The following HERC2 variants were observed in gnomAD, a reference collection of about 807,000 sequenced individuals.
The protein encoded by HERC2 is E3 ubiquitin-protein ligase HERC2.
HERC2 carries 102 observed loss-of-function variants against 537.7 expected under a neutral mutation model. That is an observed-to-expected ratio of 0.19 (90% CI 0.16 to 0.22). HERC2 has a LOEUF of 0.22. HERC2 is among the 10% of genes least tolerant of loss of function. The pLI is 1.00. For synonymous variants in HERC2, 2,224 were observed against 2,466.2 expected (o/e 0.90, Z 2.91); for missense variants, 4,236 against 6,198.2 (o/e 0.68, Z 10.63).
At chr15:28,140,225 T>G (rs1351134466) in intron 78 of HERC2, among the ~76,000 whole-genome samples, 1 of 152,088 alleles carries the variant, frequency 6.6e-6, no homozygotes, top group Non-Finnish European at 1.5e-5. Flanking sequence ...ACTGGAAGCC[T>G]GGGAACGCTC....
At chr15:28,229,648 G>A (rs1180800165) in intron 32 of HERC2, 26 bp downstream of exon 32, 15 of 1,606,738 alleles carry the variant, frequency 9.3e-6, no homozygotes, top group Non-Finnish European at 1.3e-5. Flanking sequence ...ACCCAATGCA[G>A]AGAAGCATTT....
At chr15:28,292,763 A>G in intron 4 of HERC2, 125 bp downstream of exon 4, 1 of 985,402 alleles carries the variant, frequency 1.0e-6, no homozygotes, top group Non-Finnish European at 1.5e-6. Context: ...TTTTACCACA[A>G]TATTTAAATT....
At chr15:28,276,560 C>T (rs1015668513) in intron 5 of HERC2, among the ~76,000 whole-genome samples, 1 of 152,006 alleles carries the variant, frequency 6.6e-6, no homozygotes, top group African/African-American at 2.4e-5. Flanking sequence ...CATGGCAAAA[C>T]CCCATCTCTA....
At chr15:28,305,609 T>C (rs1297023225) in intron 2 of HERC2, among the ~76,000 whole-genome samples, 65 of 112,756 alleles carry the variant, frequency 5.8e-4, no homozygotes, top group Admixed American at 1.5e-3. Context: ...ATTCAGGACA[T>C]AGGCGTGGGC....
rs887613250 is a variant in HERC2, at chr15:28,254,465, T to C, written c.2925A>G (p.Glu975=). ...TTCTATGAAATGTTGAGGCATTCGC[T>C]TCCTGTTCATCAATTTCTTTTTCCT... ...AQKEKEIDEQ[E]ANASTFHRSR... Residue 975 remains glutamate (E), a synonymous_variant, in exon 20 of 93, where the codon GAA becomes GAG. Coordinates refer to ENST00000261609, the MANE Select transcript of HERC2 (RefSeq NM_004667.6). The C allele has an allele frequency of 1.2e-6, 2 of 1,603,994 alleles. No homozygotes were observed. Among genetic ancestry groups the C allele is most frequent in the South Asian group, 1.1e-5 (1 of 88,420 alleles).
intron 15 of HERC2, 35 bp from the exon 16 acceptor site, chr15:28,261,005 G>GC: frequency 6.6e-7 from 1 of 1,514,592 alleles, no homozygotes; most frequent in Non-Finnish European, 9.1e-7. Flanking sequence ...GCAGCTTCAA[G>GC]CCTATGACTT....
intron 55 of HERC2, 98 bp from the exon 56 acceptor site, chr15:28,186,850 C>G: frequency 1.4e-6 from 1 of 734,232 alleles, no homozygotes. Flanking sequence ...CATGTACACA[C>G]GGTTAGAGCT....
intron 5 of HERC2, among the ~76,000 whole-genome samples, chr15:28,277,069 C>A (rs567145515): frequency 5.3e-5 from 8 of 151,896 alleles, no homozygotes; most frequent in Non-Finnish European, 8.8e-5. Context: ...AGGGTGAGAC[C>A]CTGTCTCCAA....
intron 26 of HERC2, among the ~76,000 whole-genome samples, chr15:28,236,604 T>A (rs1460935655): frequency 1.3e-5 from 2 of 151,164 alleles, no homozygotes; most frequent in African/African-American, 4.9e-5. Flanking sequence ...CTACTTTTTT[T>A]AAAGAGAGAG....
At chr15:28,204,855 G>A (rs1320256762) in intron 45 of HERC2, among the ~76,000 whole-genome samples, 2 of 152,280 alleles carry the variant, frequency 1.3e-5, no homozygotes, top group African/African-American at 4.8e-5. Flanking sequence ...TATTAAAATC[G>A]TAAAAGGAAA....
chr15:28,311,021 G>A (rs1276452671), intron 2 of HERC2, among the ~76,000 whole-genome samples: 2 of 131,632 alleles, frequency 1.5e-5, no homozygotes, highest in East Asian at 2.5e-4. Context: ...ACGTTGCAGT[G>A]AGTGGAGATC....
chr15:28,291,909 G>GAAAAAAA (rs67813649), intron 4 of HERC2, among the ~76,000 whole-genome samples: 2 of 37,944 alleles, frequency 5.3e-5, no homozygotes, highest in African/African-American at 2.0e-4. Flanking sequence ...CGTCTCAAAG[G>GAAAAAAA]AAAAAAAAAA....
chr15:28,269,049 A>G (rs2075647711), intron 11 of HERC2, among the ~76,000 whole-genome samples, 199 bp downstream of exon 11: 1 of 152,254 alleles, frequency 6.6e-6, no homozygotes, highest in South Asian at 2.1e-4. Flanking sequence ...AATGAGTTTC[A>G]CTGTAAGGAC....
chr15:28,260,766 A>G lies in HERC2; in HGVS notation c.2316+11T>C. The stretch of plus-strand genomic sequence containing the variant: ...CCTCCAAAATACCAAATCAAGCTCT[A>G]TATTCAGTACCTGGGCAGGCCCACA... On this transcript the variant is annotated intron_variant, in intron 16 of 92. Coordinates refer to ENST00000261609, the MANE Select transcript of HERC2 (RefSeq NM_004667.6). 6.2e-7 allele frequency: 1 copy of G among 1,610,508 alleles called. No individual in the cohort carries two copies.
At chr15:28,276,309 T>C (rs2075873104) in intron 5 of HERC2, among the ~76,000 whole-genome samples, 1 of 151,654 alleles carries the variant, frequency 6.6e-6, no homozygotes, top group Admixed American at 6.6e-5. Flanking sequence ...AGTACACGCT[T>C]ATCCACAAGT....
At chr15:28,141,366 C>G in intron 78 of HERC2, 66 bp downstream of exon 78, 1 of 1,439,058 alleles carries the variant, frequency 6.9e-7, no homozygotes, top group Non-Finnish European at 9.8e-7. Context: ...CTAAGAACCA[C>G]ACAGCACCTT....
chr15:28,289,024 C>A (rs1179863955), intron 4 of HERC2, among the ~76,000 whole-genome samples: 3 of 151,962 alleles, frequency 2.0e-5, no homozygotes, highest in African/African-American at 7.2e-5. Flanking sequence ...AAGCTACAGT[C>A]AGAGCACTGC....
At position 28,254,506 on chromosome 15, in the gene HERC2, T is replaced by C. The variant is rs2075190831; in HGVS notation, c.2884A>G (p.Lys962Glu). 6.3e-7 allele frequency: 1 copy of C among 1,593,326 alleles called. No individual in the cohort carries two copies. The highest frequency in any genetic ancestry group is 1.4e-5 in the African/African-American group (1 of 73,506). ...TCTTTTTCCTTCTGTGCTTCTTTTT[T>C]GGCTTCAATATCCTGTAATTCATAA... is the stretch of plus-strand genomic sequence containing the variant. ...ITAEIQDIEA[K>E]KEAQKEKEID... is the part of the protein sequence containing the mutation. The change falls in exon 20 of 93, where the codon AAA becomes GAA. Residue 962 changes from lysine (K) to glutamate (E), a missense_variant. Physicochemically the swap from Lys to Glu is moderately conservative, Grantham distance 56. Around this residue, in one of 27 missense-constraint regions of HERC2, gnomAD observed 754 missense variants for 1,085.0 expected, o/e 0.69. Coordinates refer to ENST00000261609, the MANE Select transcript of HERC2 (RefSeq NM_004667.6).
intron 53 of HERC2, 58 bp downstream of exon 53, chr15:28,191,903 G>A (rs1896888716): frequency 8.0e-6 from 12 of 1,494,498 alleles, no homozygotes; most frequent in African/African-American, 1.4e-5. Context: ...TTTTGAAAAT[G>A]TACAAGGCAA....
Sources: allele counts gnomAD v4.1 joint callset (sites outside exome capture counted in the v4.1 genomes callset), GRCh38; gene constraint gnomAD v4.1.1; regional missense constraint gnomAD v4.1.1; transcripts MANE v1.5; gene names NCBI Gene and HGNC (gene_info 2026-07-23, HGNC 2026-07-21).